The following STK11IP variants were observed in gnomAD, a reference collection of about 807,000 sequenced individuals.
STK11IP encodes serine/threonine-protein kinase 11-interacting protein.
A neutral mutation model predicts 131.7 loss-of-function variants in STK11IP; 103 were observed. The observed-to-expected ratio is 0.78, with a 90% CI of 0.67 to 0.92. The LOEUF is 0.92. Among genes scored for constraint, STK11IP ranks in the 40% least tolerant of loss-of-function variants. The pLI is 0.00. For missense variants in STK11IP, 1,315 were observed against 1,385.7 expected (o/e 0.95, Z 0.81); for synonymous variants, 557 against 575.6 (o/e 0.97, Z 0.46).
At chr2:219,612,851 A>G (rs1046550545) in intron 19 of STK11IP, among the ~76,000 whole-genome samples, 18 of 152,184 alleles carry the variant, frequency 1.2e-4, no homozygotes, top group Admixed American at 1.1e-3. Context: ...AGTGATGGTC[A>G]GTTTTGTGCC....
intron 19 of STK11IP, 191 bp from the exon 20 acceptor site, chr2:219,612,937 G>A (rs188991374): frequency 2.3e-5 from 13 of 569,348 alleles, no homozygotes; most frequent in East Asian, 6.0e-5. Flanking sequence ...GGCTCTGAGC[G>A]GGCAGGGGCT....
chr2:219,613,686 A>T, intron 20 of STK11IP, 66 bp from the exon 21 acceptor site: 1 of 1,589,670 alleles, frequency 6.3e-7, no homozygotes, highest in Non-Finnish European at 8.6e-7. Flanking sequence ...CAGCTGGGGC[A>T]GGGCCTCTCT....
chr2:219,609,735 C>G (rs1698332744), intron 17 of STK11IP, 195 bp downstream of exon 17: 7 of 564,390 alleles, frequency 1.2e-5, no homozygotes, highest in Admixed American at 7.5e-5. Flanking sequence ...AAAGAAGAAA[C>G]TATATCCTGT....
Position 219,615,221 on chromosome 2 carries a change from G to A in STK11IP, c.2997G>A (p.Val999=), listed in dbSNP as rs1439608035. The change falls in exon 24 of 25, where the codon GTG becomes GTA. Residue 999 remains valine, a synonymous_variant. Coordinates refer to ENST00000456909, the MANE Select transcript of STK11IP (RefSeq NM_052902.4). ...PAASGEASEK[V]PPSGPGPAVR... is the part of the protein sequence containing the mutation. Reference sequence around the variant, plus strand: ...CATCTGGCGAAGCCTCTGAGAAGGTGCCTCCCTCGGGGCCGGGCCCTGCTG... The same window carrying A: ...CATCTGGCGAAGCCTCTGAGAAGGTACCTCCCTCGGGGCCGGGCCCTGCTG... 2 of 1,595,038 alleles carry A rather than the reference G, an allele frequency of 1.3e-6. No individual in the cohort carries two copies. The highest frequency in any genetic ancestry group is 1.1e-5 in the South Asian group (1 of 89,002).
At position 219,614,469 on chromosome 2, in the gene STK11IP, C is replaced by T. The variant is rs974183251; in HGVS notation, c.2799-7C>T. On this transcript the variant is annotated splice_polypyrimidine_tract_variant and splice_region_variant and intron_variant, in intron 22 of 24. Coordinates refer to ENST00000456909, the MANE Select transcript of STK11IP (RefSeq NM_052902.4). ...TGATCTTCCTGTGCCTGCCATATTC[C>T]CTCTAGGCCATTGCTGGAAAAAGAC... The T allele has an allele frequency of 1.2e-6, 2 of 1,613,708 alleles. No individual in the cohort carries two copies. Among genetic ancestry groups the T allele is most frequent in the Non-Finnish European group, 8.5e-7 (1 of 1,179,794 alleles).
chr2:219,598,717 TG>T (rs1359463790), intron 2 of STK11IP, among the ~76,000 whole-genome samples: 1 of 152,230 alleles, frequency 6.6e-6, no homozygotes, highest in Admixed American at 6.5e-5. Flanking sequence ...TGCTTACAGT[TG>T]GGAGCTATTG....
chr2:219,607,235 TG>T (rs1201617391), intron 13 of STK11IP, 98 bp downstream of exon 13: 5 of 1,269,678 alleles, frequency 3.9e-6, no homozygotes, highest in Non-Finnish European at 5.6e-6. Flanking sequence ...TGTTATTTTT[TG>T]TTGGGGTAGA....
chr2:219,606,272 C>T lies in STK11IP; in HGVS notation c.927C>T (p.Ala309=). The T allele has an allele frequency of 6.4e-7, 1 of 1,568,956 alleles. No individual in the cohort carries two copies. Residue 309 remains alanine, a synonymous_variant, in exon 10 of 25, where the codon GCC becomes GCT. Transcript: ENST00000456909. ...AATAQYLSPR[A]RDAATGFLLD... is the part of the protein sequence containing the mutation. ...CTGCCCAGTACTTGTCACCCCGGGC[C>T]AGGGATGCTGCTACTGGCGTGAGTG...
chr2:219,613,978 G>A (rs1698493783), intron 21 of STK11IP, 48 bp downstream of exon 21: 2 of 1,507,670 alleles, frequency 1.3e-6, no homozygotes, highest in South Asian at 1.3e-5. Flanking sequence ...AGGGTGGGCA[G>A]GGCCTTGGGG....
At chr2:219,608,890 A>C in intron 15 of STK11IP, 102 bp downstream of exon 15, 2 of 1,304,218 alleles carry the variant, frequency 1.5e-6, no homozygotes, top group Non-Finnish European at 2.1e-6. Context: ...TCTCCTTGGC[A>C]CTAGGAGCCG....
rs755246316 is a variant in STK11IP, at chr2:219,613,233, A to G, written c.2537+8A>G. On this transcript the variant is annotated splice_region_variant and intron_variant, in intron 20 of 24. Coordinates refer to ENST00000456909, the MANE Select transcript of STK11IP (RefSeq NM_052902.4). Reference sequence around the variant, plus strand: ...GGTGACTGGGGAGATGCGGTGAGTGAGAGGGGAGATGCAGTGAGTAAGGGG... The same window carrying G: ...GGTGACTGGGGAGATGCGGTGAGTGGGAGGGGAGATGCAGTGAGTAAGGGG... 39 of 1,474,984 alleles carry G rather than the reference A, an allele frequency of 2.6e-5. No homozygotes were observed. The highest frequency in any genetic ancestry group is 3.7e-6 in the Non-Finnish European group (4 of 1,088,462). The allele number at this position is 1,474,984 out of a possible 1,614,324, so 91.4% of individuals were successfully genotyped here.
At chr2:219,612,868 T>C (rs1698438631) in intron 19 of STK11IP, among the ~76,000 whole-genome samples, 1 of 152,126 alleles carries the variant, frequency 6.6e-6, no homozygotes, top group African/African-American at 2.4e-5. Context: ...TGCCTTAGAA[T>C]AGTTAGTCTG....
At chr2:219,614,312 C>T in intron 22 of STK11IP, 70 bp downstream of exon 22, 1 of 1,589,624 alleles carries the variant, frequency 6.3e-7, no homozygotes, top group Non-Finnish European at 8.6e-7. Flanking sequence ...AGACATGGCC[C>T]TGTGCTGAGT....
Position 219,606,006 on chromosome 2 carries a change from C to G in STK11IP, c.796C>G (p.Leu266Val). Residue 266 changes from leucine (L) to valine (V), a missense_variant, in exon 9 of 25, where the codon CTG becomes GTG. Physicochemically the swap from Leu to Val is conservative, Grantham distance 32. Coordinates refer to ENST00000456909, the MANE Select transcript of STK11IP (RefSeq NM_052902.4). The part of the protein sequence containing the change: ...LRHLDLAYNL[L>V]EGHRELSPLW... Reference sequence around the variant, plus strand: ...GCACCTGGATTTGGCATACAACCTGCTGGAAGGACACCGGGAGCTGTCACC... The same window carrying G: ...GCACCTGGATTTGGCATACAACCTGGTGGAAGGACACCGGGAGCTGTCACC... 1 of 1,609,912 alleles carries G rather than the reference C, an allele frequency of 6.2e-7. No homozygotes were observed. Among genetic ancestry groups the G allele is most frequent in the Non-Finnish European group, 8.5e-7 (1 of 1,178,238 alleles).
chr2:219,602,347 C>A (rs926855159), intron 5 of STK11IP, 121 bp from the exon 6 acceptor site: 1 of 780,056 alleles, frequency 1.3e-6, no homozygotes, highest in Non-Finnish European at 2.1e-6. Context: ...GGCTTTAAGC[C>A]TGTATCTTCA....
In STK11IP at chr2:219,608,378, AGAGGAGGCAGGAGAGGAG is replaced by A; in HGVS notation, c.1554_1571del (p.Ala520_Glu525del). On this transcript the variant is annotated inframe_deletion, in exon 14 of 25. Coordinates refer to ENST00000456909, the MANE Select transcript of STK11IP (RefSeq NM_052902.4). The stretch of plus-strand genomic sequence containing the variant: ...AGGGGGAGATGGTGGAACAGGGAGA[AGAGGAGGCAGGAGAGGAG>A]GAAGAAGAGGAGCAGGACCAGAAGG... The A allele has an allele frequency of 6.3e-7, 1 of 1,580,156 alleles. No individual in the cohort carries two copies. Among genetic ancestry groups the A allele is most frequent in the Non-Finnish European group, 8.6e-7 (1 of 1,163,244 alleles).
Position 219,604,112 on chromosome 2 carries a change from A to C in STK11IP, c.618+1336A>C, listed in dbSNP as rs557480758. ...GCCCTGTCATCAGGTGTTGGCTAGA[A>C]CAAATGGGAAATTCTTTTGGCAGCC... is the stretch of plus-strand genomic sequence containing the variant. On this transcript the variant is annotated intron_variant, in intron 7 of 24. Coordinates refer to ENST00000456909, the MANE Select transcript of STK11IP (RefSeq NM_052902.4). 5.1e-4 allele frequency among the ~76,000 whole-genome samples: 77 copies of C among 152,298 alleles called. 1 individual carries two copies. The highest frequency in any genetic ancestry group is 1.8e-3 in the African/African-American group (74 of 41,568).
rs1698535630 is a variant in STK11IP, at chr2:219,615,190, C to T, written c.2966C>T (p.Pro989Leu). Reference protein sequence around the residue: ...AAGSPAEPSPPAASGEASEKV... With the variant: ...AAGSPAEPSPLAASGEASEKV... ...GGGTCCCCGGCAGAGCCCTCTCCTC[C>T]AGCAGCATCTGGCGAAGCCTCTGAG... The change falls in exon 24 of 25, where the codon CCA becomes CTA. Residue 989 changes from proline to leucine, a missense_variant. Pro to Leu is a moderately conservative substitution (Grantham distance 98). Transcript: ENST00000456909. The T allele has an allele frequency of 5.6e-6, 9 of 1,598,592 alleles. No individual in the cohort carries two copies. Among genetic ancestry groups the T allele is most frequent in the Middle Eastern group, 1.7e-4 (1 of 6,010 alleles).
intron 24 of STK11IP, 54 bp from the exon 25 acceptor site, chr2:219,615,990 C>T (rs376450938): frequency 8.1e-6 from 13 of 1,595,596 alleles, no homozygotes; most frequent in Non-Finnish European, 1.0e-5. Flanking sequence ...TCCCTTGTAC[C>T]CACCCTGGTG....
Sources: gnomAD v4.1 joint callset for allele counts (sites outside exome capture counted in the v4.1 genomes callset) on GRCh38, gnomAD v4.1.1 for gene constraint, MANE v1.5 for transcripts, NCBI Gene and HGNC (gene_info 2026-07-23, HGNC 2026-07-21) for gene names.